The following PDIA6 variants were observed in gnomAD, a reference collection of about 807,000 sequenced individuals.
The protein encoded by PDIA6 is protein disulfide-isomerase A6.
PDIA6 carries 29 observed loss-of-function variants against 58.4 expected under a neutral mutation model. That is an observed-to-expected ratio of 0.50 (90% CI 0.37 to 0.68). The LOEUF (loss-of-function observed/expected upper bound fraction) is 0.68. PDIA6 is among the 30% of genes least tolerant of loss of function. The probability of loss-of-function intolerance (pLI) is 0.00; values close to 1 mark genes in which losing one functional copy is unlikely to be tolerated. For synonymous variants in PDIA6, 192 were observed against 202.6 expected, an observed-to-expected ratio of 0.95 and a Z score of 0.44; for missense variants, 480 against 551.0, an observed-to-expected ratio of 0.87 and a Z score of 1.29.
At chr2:10,837,660 C>A in exon 1 of PDIA6, 1 of 1,485,350 alleles carries the variant, frequency 6.7e-7, no homozygotes, top group South Asian at 1.2e-5. Flanking sequence ...GGGCTCCAAG[C>A]TTCTAGGTGG....
At chr2:10,807,364 T>C (rs1666808555) in intron 1 of PDIA6, among the ~76,000 whole-genome samples, 1 of 152,150 alleles carries the variant, frequency 6.6e-6, no homozygotes, top group Admixed American at 6.5e-5. Context: ...GGTGCATCCC[T>C]GGCTAACTTT....
At chr2:10,819,576 C>T (rs987524400) in intron 1 of PDIA6, among the ~76,000 whole-genome samples, 2 of 152,248 alleles carry the variant, frequency 1.3e-5, no homozygotes, top group African/African-American at 4.8e-5. Flanking sequence ...ATGGAACATC[C>T]TTCTTTTGTC....
intron 1 of PDIA6, among the ~76,000 whole-genome samples, chr2:10,822,325 C>T (rs540516132): frequency 4.4e-4 from 67 of 151,758 alleles, no homozygotes; most frequent in Non-Finnish European, 8.7e-4. Context: ...TGCAGTGGCG[C>T]GATCTAGGCT....
Position 10,802,485 on chromosome 2 carries a change from T to G in PDIA6, c.161+14A>C. The G allele has an allele frequency of 2.3e-6, 3 of 1,329,902 alleles. No individual in the cohort carries two copies. The highest frequency in any genetic ancestry group is 2.9e-6 in the Non-Finnish European group (3 of 1,022,802). The allele number at this position is 1,329,902 out of a possible 1,614,324, so 82.4% of individuals were successfully genotyped here. A position where few individuals can be genotyped will look rare whatever the true frequency, so the allele number is the denominator to read the frequency against. ...AGTACTATAAATAATCTACAACTAT[T>G]TTATAATACTTACCATGGAGCATAG... On this transcript the variant is annotated intron_variant, in intron 2 of 12. Coordinates refer to ENST00000272227, the MANE Select transcript of PDIA6 (RefSeq NM_005742.4).
chr2:10,803,878 G>C (rs183033458), intron 1 of PDIA6, among the ~76,000 whole-genome samples: 1 of 151,154 alleles, frequency 6.6e-6, no homozygotes, highest in East Asian at 1.9e-4. Context: ...AGTAGACCTA[G>C]GCTAATGTGC....
intron 1 of PDIA6, among the ~76,000 whole-genome samples, chr2:10,812,265 A>T (rs2884294): frequency 0.68 from 103,607 of 151,666 alleles, 36,866 homozygotes; most frequent in African/African-American, 0.9. Context: ...AGAAACAAGC[A>T]GCAGTGCAGG....
intron 1 of PDIA6, among the ~76,000 whole-genome samples, chr2:10,806,219 T>G: frequency 6.6e-6 from 1 of 150,554 alleles, no homozygotes; most frequent in Non-Finnish European, 1.5e-5. Flanking sequence ...AGTACAAAAA[T>G]TAGCCAGGCA....
rs1666604903 is a variant in PDIA6 at position 10,803,593 on chromosome 2, A to C, written c.20-953T>G. Among the ~76,000 whole-genome samples, 5 of 152,350 alleles carry C rather than the reference A, an allele frequency of 3.3e-5. No individual in the cohort carries two copies. In the South Asian group the frequency reaches 1.0e-3, roughly 32 times the overall value. ...ATTGCTGACCACACAGTTCTGCCAC[A>C]TTGTGGATCAAGAGCATTTTCATTA... On this transcript the variant is annotated intron_variant, in intron 1 of 12. Transcript: ENST00000272227.
chr2:10,786,493 G>A (rs1266220403), intron 11 of PDIA6, among the ~76,000 whole-genome samples: 2 of 151,982 alleles, frequency 1.3e-5, no homozygotes, highest in Non-Finnish European at 2.9e-5. Flanking sequence ...TGAGGCACCT[G>A]ACTTTGGAGC....
chr2:10,794,419 C>A (rs1666172598), intron 4 of PDIA6, among the ~76,000 whole-genome samples: 1 of 147,628 alleles, frequency 6.8e-6, no homozygotes, highest in Non-Finnish European at 1.5e-5. Context: ...GCACTCCAGC[C>A]TGGGTGACAG....
intron 1 of PDIA6, among the ~76,000 whole-genome samples, chr2:10,831,095 CTCTT>C (rs571454357): frequency 7.2e-5 from 11 of 152,340 alleles, no homozygotes; most frequent in Admixed American, 6.5e-4. Flanking sequence ...CCCCCCTTCT[CTCTT>C]TCCGGGATTC....
At chr2:10,821,586 T>G (rs1239647402) in intron 1 of PDIA6, 1 of 152,158 alleles carries the variant, frequency 6.6e-6, no homozygotes, top group Non-Finnish European at 1.5e-5. Context: ...GGGTTGTAAG[T>G]GTTTCTGTGA....
intron 11 of PDIA6, among the ~76,000 whole-genome samples, chr2:10,786,180 G>A (rs924900937): frequency 1.3e-5 from 2 of 152,148 alleles, no homozygotes; most frequent in Non-Finnish European, 2.9e-5. Flanking sequence ...AAAATTAGCT[G>A]GGCGTGGTGG....
chr2:10,823,684 C>T (rs1667467708), intron 1 of PDIA6, among the ~76,000 whole-genome samples: 1 of 152,200 alleles, frequency 6.6e-6, no homozygotes, highest in Non-Finnish European at 1.5e-5. Flanking sequence ...GCAGTAGCCC[C>T]TTAGAGTCAA....
chr2:10,798,554 C>A (rs1481580104), intron 2 of PDIA6, among the ~76,000 whole-genome samples: 1 of 136,436 alleles, frequency 7.3e-6, no homozygotes, highest in African/African-American at 2.7e-5. Context: ...GGCAACACAG[C>A]AAGACTCTGT....
intron 2 of PDIA6, among the ~76,000 whole-genome samples, chr2:10,800,095 A>G (rs564550633): frequency 6.6e-6 from 1 of 152,336 alleles, no homozygotes; most frequent in African/African-American, 2.4e-5. Context: ...TTTATCATGA[A>G]TGAAAATCAC....
chr2:10,832,682 C>T (rs1165259258), upstream of PDIA6, among the ~76,000 whole-genome samples: 1 of 152,138 alleles, frequency 6.6e-6, no homozygotes, highest in Non-Finnish European at 1.5e-5. Context: ...AGGCCCTGGG[C>T]TGGCTGAATC....
At position 10,812,663 on chromosome 2, in the gene PDIA6, C is replaced by T. The variant is rs1382345584; in HGVS notation, c.19+15G>A. On this transcript the variant is annotated intron_variant, in intron 1 of 12. Transcript: ENST00000272227. Reference sequence around the variant, plus strand: ...ACCCCAGCTCGCCCGCCTCCCTCCGCTGGCCCGCACCTACCGAGCACCAGG... The same window carrying T: ...ACCCCAGCTCGCCCGCCTCCCTCCGTTGGCCCGCACCTACCGAGCACCAGG... 2.0e-6 allele frequency: 3 copies of T among 1,531,006 alleles called. No individual in the cohort carries two copies. Among genetic ancestry groups the T allele is most frequent in the Non-Finnish European group, 2.6e-6 (3 of 1,140,378 alleles). The allele number at this position is 1,531,006 out of a possible 1,614,324, so 94.8% of individuals were successfully genotyped here.
In PDIA6 at chr2:10,832,381, A is replaced by C. The variant is rs1262107981; in HGVS notation, c.-227T>G. 8.2e-6 allele frequency: 8 copies of C among 981,144 alleles called. No individual in the cohort carries two copies. The African/African-American group carries it at 1.4e-4, about 17-fold the overall frequency. The allele number at this position is 981,144 out of a possible 1,614,324, so 60.8% of individuals were successfully genotyped here. A position where few individuals can be genotyped will look rare whatever the true frequency, so the allele number is the denominator to read the frequency against. On this transcript the variant is annotated 5_prime_UTR_variant, in exon 1 of 14. Transcript: ENST00000381611. ...GAATGAGCAAACTGCAGCTGCAGAT[A>C]TCCTCGCCATCTACGCCTCACAAAC...
Sources: gnomAD v4.1 joint callset for allele counts (sites outside exome capture counted in the v4.1 genomes callset) on GRCh38, gnomAD v4.1.1 for gene constraint, MANE v1.5 for transcripts, NCBI Gene and HGNC (gene_info 2026-07-23, HGNC 2026-07-21) for gene names.